Variants in NDUFAF2 observed in about 807,000 individuals in gnomAD.
NDUFAF2 encodes the protein NADH:ubiquinone oxidoreductase complex assembly factor 2, also known as NADH dehydrogenase [ubiquinone] 1 alpha subcomplex assembly factor 2.
A neutral mutation model predicts 22.8 loss-of-function variants in NDUFAF2; 13 were observed. That is an observed-to-expected ratio of 0.57 (90% CI 0.37 to 0.91). The LOEUF (loss-of-function observed/expected upper bound fraction) is 0.91. NDUFAF2 is among the 40% of genes least tolerant of loss of function. The pLI is 0.01. For synonymous variants in NDUFAF2, 53 were observed against 64.2 expected, an observed-to-expected ratio of 0.83 and a Z score of 0.84; for missense variants, 162 against 195.2, an observed-to-expected ratio of 0.83 and a Z score of 1.01.
At chr5:61,022,641 ATGT>A (rs1401203990) in intron 1 of NDUFAF2, among the ~76,000 whole-genome samples, 3 of 151,554 alleles carry the variant, frequency 2.0e-5, no homozygotes, top group East Asian at 3.9e-4. Context: ...GGTGGTGGTG[ATGT>A]TGTTTGTTTG....
intron 1 of NDUFAF2, among the ~76,000 whole-genome samples, chr5:61,062,391 G>A (rs1421934899): frequency 6.6e-6 from 1 of 152,082 alleles, no homozygotes; most frequent in Non-Finnish European, 1.5e-5. Flanking sequence ...AAATCTTGGA[G>A]CTGAAGAATT....
At chr5:61,030,334 G>C (rs1450746616) in intron 1 of NDUFAF2, among the ~76,000 whole-genome samples, 3 of 152,054 alleles carry the variant, frequency 2.0e-5, no homozygotes, top group African/African-American at 7.2e-5. Flanking sequence ...AACCTTATCA[G>C]CTCTTTAAAC....
intron 1 of NDUFAF2, among the ~76,000 whole-genome samples, chr5:60,981,578 A>C (rs911079002): frequency 6.6e-6 from 1 of 152,250 alleles, no homozygotes; most frequent in African/African-American, 2.4e-5. Context: ...CTTATATCTT[A>C]AGTAGAAAGA....
chr5:61,139,480 C>A (rs1156368898), intron 3 of NDUFAF2, among the ~76,000 whole-genome samples: 1 of 152,236 alleles, frequency 6.6e-6, no homozygotes, highest in African/African-American at 2.4e-5. Context: ...GTCCTTGAAG[C>A]ATTTCAGTGT....
At chr5:60,968,453 G>A (rs1221708648) in intron 1 of NDUFAF2, among the ~76,000 whole-genome samples, 2 of 151,532 alleles carry the variant, frequency 1.3e-5, no homozygotes, top group Non-Finnish European at 3.0e-5. Context: ...TTTTTTTAAT[G>A]TAAGTGTTCA....
intron 1 of NDUFAF2, among the ~76,000 whole-genome samples, chr5:61,047,192 T>C (rs145882659): frequency 6.4e-4 from 97 of 152,276 alleles, no homozygotes; most frequent in Middle Eastern, 3.4e-3. Flanking sequence ...TAATACAAAC[T>C]GATAGTACAA....
chr5:61,107,938 T>G (rs994097665), intron 3 of NDUFAF2, among the ~76,000 whole-genome samples: 1 of 150,368 alleles, frequency 6.7e-6, no homozygotes, highest in Non-Finnish European at 1.5e-5. Flanking sequence ...GTTCTTGCGA[T>G]AGTTTACTGA....
At chr5:61,045,869 G>A (rs560134024) in intron 1 of NDUFAF2, among the ~76,000 whole-genome samples, 1 of 152,196 alleles carries the variant, frequency 6.6e-6, no homozygotes, top group East Asian at 1.9e-4. Context: ...AATAGAAGTG[G>A]TGAGAGTGGG....
chr5:60,948,377 TA>T (rs1317882242), intron 1 of NDUFAF2, among the ~76,000 whole-genome samples: 1 of 151,968 alleles, frequency 6.6e-6, no homozygotes, highest in African/African-American at 2.4e-5. Flanking sequence ...CCTGCCCAGT[TA>T]ACTTTTTGTA....
At chr5:61,002,607 G>A (rs563037512) in intron 1 of NDUFAF2, among the ~76,000 whole-genome samples, 1 of 152,248 alleles carries the variant, frequency 6.6e-6, no homozygotes, top group East Asian at 1.9e-4. Flanking sequence ...AGAAATGTCT[G>A]TTCTCTCACC....
At chr5:61,022,851 G>A (rs1436661615) in intron 1 of NDUFAF2, among the ~76,000 whole-genome samples, 1 of 152,088 alleles carries the variant, frequency 6.6e-6, no homozygotes, top group African/African-American at 2.4e-5. Context: ...TGCCATGTTG[G>A]CCAGGCTGGT....
At chr5:61,090,335 A>G (rs1752551685) in intron 2 of NDUFAF2, among the ~76,000 whole-genome samples, 1 of 152,086 alleles carries the variant, frequency 6.6e-6, no homozygotes. Flanking sequence ...AGCCACAAAT[A>G]ATATGTAAAC....
chr5:60,978,698 A>G (rs537077127), intron 1 of NDUFAF2, among the ~76,000 whole-genome samples: 1 of 152,336 alleles, frequency 6.6e-6, no homozygotes, highest in Admixed American at 6.5e-5. Flanking sequence ...GAGTGAGGAC[A>G]CAGACCCAAA....
intron 2 of NDUFAF2, among the ~76,000 whole-genome samples, chr5:61,092,170 GT>G (rs773671184): frequency 3.8e-4 from 58 of 151,522 alleles, no homozygotes; most frequent in Admixed American, 1.8e-3. Context: ...TGTTTTGTTT[GT>G]TTTGTTTAGG....
chr5:60,998,165 A>G (rs1162687050), intron 1 of NDUFAF2, among the ~76,000 whole-genome samples: 1 of 152,224 alleles, frequency 6.6e-6, no homozygotes, highest in Non-Finnish European at 1.5e-5. Context: ...AAATGAATGA[A>G]TAAATAAACC....
At chr5:61,056,459 C>G (rs997278436) in intron 1 of NDUFAF2, among the ~76,000 whole-genome samples, 7 of 152,150 alleles carry the variant, frequency 4.6e-5, no homozygotes, top group Non-Finnish European at 1.0e-4. Flanking sequence ...TTGGTGCAAT[C>G]ACAGCTTATT....
intron 1 of NDUFAF2, among the ~76,000 whole-genome samples, chr5:60,947,715 G>A (rs561419358): frequency 5.6e-5 from 8 of 143,874 alleles, no homozygotes; most frequent in Middle Eastern, 7.6e-3. Context: ...GCAGTGAGCC[G>A]AGATCACACC....
chr5:60,945,368 A>G lies in NDUFAF2; in HGVS notation c.113A>G (p.Tyr38Cys). 1 of 1,614,216 alleles carries G rather than the reference A, an allele frequency of 6.2e-7. No homozygotes were observed. Among genetic ancestry groups the G allele is most frequent in the South Asian group, 1.1e-5 (1 of 91,090 alleles). ...FGNKYYYIPQ[Y>C]KNWRGQTIRE... Reference sequence around the variant, plus strand: ...AACAAATACTACTACATCCCGCAGTACAAGAACTGGAGAGGTGAGGTGGCG... The same window carrying G: ...AACAAATACTACTACATCCCGCAGTGCAAGAACTGGAGAGGTGAGGTGGCG... The change falls in exon 1 of 4, where the codon TAC becomes TGC. Residue 38 changes from tyrosine to cysteine, a missense_variant. Tyr to Cys is a radical substitution (Grantham distance 194). This residue lies in a region of NDUFAF2 where 94 missense variants were observed against 85.2 expected (regional missense o/e 1.10). Transcript: ENST00000296597.
At chr5:61,096,597 C>CA (rs35508356) in intron 2 of NDUFAF2, among the ~76,000 whole-genome samples, 5,882 of 95,132 alleles carry the variant, frequency 0.062, 206 homozygotes, top group African/African-American at 0.097. Context: ...GACACCATTG[C>CA]AAAAAAAAAA....
Sources: allele counts gnomAD v4.1 joint callset (sites outside exome capture counted in the v4.1 genomes callset), GRCh38; gene constraint gnomAD v4.1.1; regional missense constraint gnomAD v4.1.1; transcripts MANE v1.5; gene names NCBI Gene and HGNC (gene_info 2026-07-23, HGNC 2026-07-21).